FOXK1: variants seen among roughly 807,000 people sequenced by gnomAD.
The protein encoded by FOXK1 is forkhead box K1, also known as forkhead box protein K1.
Under a neutral mutation model 51.9 loss-of-function variants are expected in FOXK1, and 19 were observed. The observed-to-expected ratio is 0.37, with a 90% CI of 0.26 to 0.54. The LOEUF is 0.54. Ranked by LOEUF, FOXK1 falls within the 20% of genes least tolerant of loss-of-function variation. FOXK1 has a pLI of 0.87. For synonymous variants in FOXK1, 537 were observed against 482.6 expected, an observed-to-expected ratio of 1.11 and a Z score of -1.48; for missense variants, 870 against 1,032.7, an observed-to-expected ratio of 0.84 and a Z score of 2.16.
chr7:4,706,214 A>G (rs182863853), intron 1 of FOXK1, among the ~76,000 whole-genome samples: 2 of 152,184 alleles, frequency 1.3e-5, no homozygotes, highest in Admixed American at 6.5e-5. Context: ...AAAGAGATCT[A>G]TAGCAGGGAC....
At position 4,748,924 on chromosome 7, in the gene FOXK1, C is replaced by T. The variant is rs1270272529; in HGVS notation, c.747-5535C>T. Among the ~76,000 whole-genome samples, 3 of 152,156 alleles carry T rather than the reference C, an allele frequency of 2.0e-5. No homozygotes were observed. In the East Asian group the frequency reaches 5.8e-4, roughly 29 times the overall value. ...GAACTCCTGTGCTCAAGTTATCTGC[C>T]CACCTCAGCCTCCCAAAGCGCTGGG... is the stretch of plus-strand genomic sequence containing the variant. On this transcript the variant is annotated intron_variant, in intron 2 of 8. Transcript: ENST00000328914. The surrounding 1 kb of genome is among the most constrained non-coding windows in gnomAD (Gnocchi z 4.9).
rs1424138300 is a variant in FOXK1 at position 4,767,584 on chromosome 7, A to G, written c.*5120A>G. The stretch of plus-strand genomic sequence containing the variant: ...GACTCAGCTCCAGAGGTTCCTGGGT[A>G]ATGTATTGTGGCTCTTGGAAATGAG... On this transcript the variant is annotated 3_prime_UTR_variant, in exon 9 of 9. Coordinates refer to ENST00000328914, the MANE Select transcript of FOXK1 (RefSeq NM_001037165.2). This position sits in a 1 kb window ranked among gnomAD's most constrained non-coding sequence, Gnocchi z 6.6. The G allele has an allele frequency of 1.3e-5, 2 of 152,268 alleles. No individual in the cohort carries two copies. Among genetic ancestry groups the G allele is most frequent in the Non-Finnish European group, 2.9e-5 (2 of 68,068 alleles). The allele number at this position is 152,268 out of a possible 1,614,324, so 9.4% of individuals were successfully genotyped here.
At chr7:4,714,353 A>C (rs749443747) in intron 1 of FOXK1, among the ~76,000 whole-genome samples, 7 of 152,032 alleles carry the variant, frequency 4.6e-5, no homozygotes, top group Non-Finnish European at 8.8e-5. Context: ...ATCTCAGCTC[A>C]CTGCAGCCTC....
At chr7:4,693,258 C>A (rs1237644196) in intron 1 of FOXK1, among the ~76,000 whole-genome samples, 3 of 152,134 alleles carry the variant, frequency 2.0e-5, no homozygotes, top group African/African-American at 7.2e-5. Context: ...TCCCTTCGAA[C>A]CCAATAAACT....
In FOXK1 at chr7:4,770,901, G is replaced by GTA. The variant is rs1781090864; in HGVS notation, c.*8439_*8440dup. 8.1e-6 allele frequency: 1 copy of GTA among 124,160 alleles called. No homozygotes were observed. Among genetic ancestry groups the GTA allele is most frequent in the African/African-American group, 2.9e-5 (1 of 34,068 alleles). 7.7% of individuals were successfully genotyped at this position (124,160 alleles called of 1,614,324 possible). ...TGTGTGTGTGTGTGTGTGTGTGTGT[G>GTA]TATTTTTTTTTTTACAGTGGCGCCT... On this transcript the variant is annotated 3_prime_UTR_variant, in exon 9 of 9. Coordinates refer to ENST00000328914, the MANE Select transcript of FOXK1 (RefSeq NM_001037165.2).
intron 1 of FOXK1, among the ~76,000 whole-genome samples, chr7:4,739,332 T>A (rs571795424): frequency 6.6e-6 from 1 of 152,334 alleles, no homozygotes; most frequent in South Asian, 2.1e-4. Context: ...AACAAGAGCC[T>A]TTTCCAAACA....
rs1462337779 is a variant in FOXK1 at position 4,761,736 on chromosome 7, G to A, written c.1921+448G>A. Among the ~76,000 whole-genome samples, 8 of 152,114 alleles carry A rather than the reference G, an allele frequency of 5.3e-5. No individual in the cohort carries two copies. The East Asian group carries it at 1.5e-3, about 29-fold the overall frequency. On this transcript the variant is annotated intron_variant, in intron 8 of 8. Transcript: ENST00000328914. This position sits in a 1 kb window ranked among gnomAD's most constrained non-coding sequence, Gnocchi z 6.2. ...GGGGGGAAAGAAAACAGGGTGGAAG[G>A]AAAACCCAGATCTGCCCACTCTCTG...
Position 4,759,071 on chromosome 7 carries a change from C to G in FOXK1, c.1265C>G (p.Thr422Arg). The G allele has an allele frequency of 6.2e-7, 1 of 1,604,178 alleles. No homozygotes were observed. Among genetic ancestry groups the G allele is most frequent in the East Asian group, 2.2e-5 (1 of 44,846 alleles). Reference sequence around the variant, plus strand: ...TCCAGGAGCGCTCCAGCTTCGCCCACACACCCCGGGCTGATGTCCCCTCGC... The same window carrying G: ...TCCAGGAGCGCTCCAGCTTCGCCCAGACACCCCGGGCTGATGTCCCCTCGC... ...LSSRSAPASP[T>R]HPGLMSPRSG... The change falls in exon 6 of 9, where the codon ACA (threonine) becomes AGA (arginine). Residue 422 changes from threonine to arginine, a missense_variant. Around this residue, in one of 3 missense-constraint regions of FOXK1, gnomAD observed 457 missense variants for 510.8 expected, o/e 0.89. Transcript: ENST00000328914.
At chr7:4,694,104 C>G (rs1009034626) in intron 1 of FOXK1, among the ~76,000 whole-genome samples, 2 of 152,178 alleles carry the variant, frequency 1.3e-5, no homozygotes, top group East Asian at 3.8e-4. Flanking sequence ...CCAGGCTGGT[C>G]TTGAACTCCT....
chr7:4,719,529 T>C (rs2115046470), intron 1 of FOXK1, among the ~76,000 whole-genome samples: 1 of 152,280 alleles, frequency 6.6e-6, no homozygotes, highest in Non-Finnish European at 1.5e-5. Context: ...TCACCCAGGC[T>C]GGAGTGCAGT....
chr7:4,752,047 G>C (rs1205635514), intron 2 of FOXK1, among the ~76,000 whole-genome samples: 1 of 152,184 alleles, frequency 6.6e-6, no homozygotes, highest in Non-Finnish European at 1.5e-5. Flanking sequence ...CGACCTCCCA[G>C]GCTCAAGCCA....
chr7:4,684,760 C>G (rs900314601), intron 1 of FOXK1, among the ~76,000 whole-genome samples: 11 of 152,158 alleles, frequency 7.2e-5, no homozygotes, highest in African/African-American at 2.7e-4. Context: ...GTTTCCTGCC[C>G]CTGCCGTGGA....
chr7:4,755,889 G>A lies in FOXK1; in HGVS notation c.1050+506G>A, dbSNP rs1410638266. Among the ~76,000 whole-genome samples the A allele has an allele frequency of 1.3e-5, 2 of 151,848 alleles. No homozygotes were observed. Among genetic ancestry groups the A allele is most frequent in the African/African-American group, 4.8e-5 (2 of 41,326 alleles). On this transcript the variant is annotated intron_variant, in intron 4 of 8. Transcript: ENST00000328914. This position sits in a 1 kb window ranked among gnomAD's most constrained non-coding sequence, Gnocchi z 6.6. ...TTTCCTTCTTCTGAGCCCCAGAACT[G>A]AGAAGATGGATCTACACCTTGTTAG... is the stretch of plus-strand genomic sequence containing the variant.
At chr7:4,719,616 G>A (rs1429939333) in intron 1 of FOXK1, among the ~76,000 whole-genome samples, 1 of 152,152 alleles carries the variant, frequency 6.6e-6, no homozygotes, top group East Asian at 1.9e-4. Context: ...TGAGTAGCTG[G>A]GACTACAGGC....
Position 4,757,249 on chromosome 7 carries a change from G to C in FOXK1, c.1244+62G>C. On this transcript the variant is annotated intron_variant, in intron 5 of 8. Transcript: ENST00000328914. Reference sequence around the variant, plus strand: ...GAAAGCTGAGCTGCCCTGGAGTTTAGAGATACGTGGCGCAGTCAGCCCTCC... The same window carrying C: ...GAAAGCTGAGCTGCCCTGGAGTTTACAGATACGTGGCGCAGTCAGCCCTCC... The C allele has an allele frequency of 2.8e-6, 4 of 1,440,778 alleles. No individual in the cohort carries two copies. In the South Asian group the frequency reaches 5.3e-5, roughly 19 times the overall value. The allele number at this position is 1,440,778 out of a possible 1,614,324, so 89.2% of individuals were successfully genotyped here. A position where few individuals can be genotyped will look rare whatever the true frequency, so the allele number is the denominator to read the frequency against.
In FOXK1 at chr7:4,745,323, G is replaced by A. The variant is rs1443528116; in HGVS notation, c.746+4300G>A. 6.6e-6 allele frequency among the ~76,000 whole-genome samples: 1 copy of A among 152,166 alleles called. No homozygotes were observed. Among genetic ancestry groups the A allele is most frequent in the Non-Finnish European group, 1.5e-5 (1 of 68,020 alleles). On this transcript the variant is annotated intron_variant, in intron 2 of 8. Transcript: ENST00000328914. The surrounding 1 kb of genome is among the most constrained non-coding windows in gnomAD (Gnocchi z 4.3). ...CCCTCATTCCCAGGAGTCGGGAGTG[G>A]CTTGGGAGCGGCTTTTTCCTGGGGG...
intron 2 of FOXK1, among the ~76,000 whole-genome samples, chr7:4,741,495 A>C (rs770817162): frequency 6.6e-6 from 1 of 151,818 alleles, no homozygotes; most frequent in Admixed American, 6.6e-5. Flanking sequence ...CGCCTGGCTA[A>C]ATTTTTTGTA....
rs549745896 is a variant in FOXK1 at position 4,711,138 on chromosome 7, C to G, written c.560+28270C>G. Among the ~76,000 whole-genome samples the G allele has an allele frequency of 1.4e-3, 198 of 143,870 alleles. No homozygotes were observed. The highest frequency in any genetic ancestry group is 5.5e-3 in the African/African-American group (185 of 33,572). 94.4% of individuals were successfully genotyped at this position (143,870 alleles called of 152,430 possible). A position where few individuals can be genotyped will look rare whatever the true frequency, so the allele number is the denominator to read the frequency against. ...GGATCCTACTTAGTCTCTCTGACTT[C>G]TTCTACTCAAGCATGATGTCCGTTC... On this transcript the variant is annotated intron_variant, in intron 1 of 8. Coordinates refer to ENST00000328914, the MANE Select transcript of FOXK1 (RefSeq NM_001037165.2). This position sits in a 1 kb window ranked among gnomAD's most constrained non-coding sequence, Gnocchi z 6.3.
At position 4,703,962 on chromosome 7, in the gene FOXK1, C is replaced by T. The variant is rs528342622; in HGVS notation, c.560+21094C>T. 8.5e-5 allele frequency among the ~76,000 whole-genome samples: 13 copies of T among 152,250 alleles called. No individual in the cohort carries two copies. Among genetic ancestry groups the T allele is most frequent in the Non-Finnish European group, 1.5e-4 (10 of 68,012 alleles). ...CCTGGTGGGAAAAAATGCGTGTATA[C>T]GTACCCCTACGTGTGGAAAACTGGC... On this transcript the variant is annotated intron_variant, in intron 1 of 8. Transcript: ENST00000328914. The surrounding 1 kb of genome is among the most constrained non-coding windows in gnomAD (Gnocchi z 5.6).
Sources: allele counts gnomAD v4.1 joint callset (sites outside exome capture counted in the v4.1 genomes callset), GRCh38; gene constraint gnomAD v4.1.1; regional missense constraint gnomAD v4.1.1; non-coding constraint Gnocchi (gnomAD v3.1); transcripts MANE v1.5; gene names NCBI Gene and HGNC (gene_info 2026-07-23, HGNC 2026-07-21).